The following AJAP1 variants were observed in gnomAD, a reference collection of about 807,000 sequenced individuals.
The protein encoded by AJAP1 is adherens junction-associated protein 1.
AJAP1 carries 5 observed loss-of-function variants against 35.0 expected under a neutral mutation model. That is an observed-to-expected ratio of 0.14 (90% CI 0.07 to 0.30). The LOEUF is 0.30. Ranked by LOEUF, AJAP1 falls within the 10% of genes least tolerant of loss-of-function variation. The pLI, the probability that AJAP1 is intolerant of heterozygous loss-of-function variation, is 1.00. For synonymous variants in AJAP1, 284 were observed against 249.3 expected, an observed-to-expected ratio of 1.14 and a Z score of -1.31; for missense variants, 586 against 571.0, an observed-to-expected ratio of 1.03 and a Z score of -0.27.
intron 2 of AJAP1, among the ~76,000 whole-genome samples, chr1:4,713,932 C>T (rs557437319): frequency 1.3e-5 from 2 of 152,306 alleles, no homozygotes; most frequent in South Asian, 4.1e-4. Context: ...TGCAGGCGGC[C>T]GGCATGGCAT....
chr1:4,715,672 T>G (rs1276114667), intron 2 of AJAP1, among the ~76,000 whole-genome samples: 1 of 151,856 alleles, frequency 6.6e-6, no homozygotes, highest in Admixed American at 6.6e-5. Context: ...GCAATAAGAG[T>G]GAAACTTATT....
At chr1:4,727,906 A>C (rs751506203) in intron 2 of AJAP1, among the ~76,000 whole-genome samples, 1 of 152,198 alleles carries the variant, frequency 6.6e-6, no homozygotes, top group Non-Finnish European at 1.5e-5. Flanking sequence ...TTGAAAGTGG[A>C]AACTTCTCTA....
rs532194899 is a variant in AJAP1 at position 4,723,374 on chromosome 1, C to T, written c.829+10675C>T. On this transcript the variant is annotated intron_variant, in intron 2 of 5. Coordinates refer to ENST00000378191, the MANE Select transcript of AJAP1 (RefSeq NM_018836.4). This position sits in a 1 kb window ranked among gnomAD's most constrained non-coding sequence, Gnocchi z 4.3. ...CCGGAGTAGAAGCTCAGCGGAGCCTCGGGTGTGTGGAAGGTCTGGAAGGCC... is the reference window on the plus strand; with the variant it reads ...CCGGAGTAGAAGCTCAGCGGAGCCTTGGGTGTGTGGAAGGTCTGGAAGGCC... Among the ~76,000 whole-genome samples the T allele has an allele frequency of 6.6e-5, 10 of 152,142 alleles. No individual in the cohort carries two copies. The highest frequency in any genetic ancestry group is 1.0e-4 in the Non-Finnish European group (7 of 68,004).
At chr1:4,769,828 C>A (rs555946725) in intron 2 of AJAP1, 25 bp from the exon 3 acceptor site, 1 of 1,604,860 alleles carries the variant, frequency 6.2e-7, no homozygotes. Flanking sequence ...CACGGGTGCC[C>A]TCTTCCCTCT....
chr1:4,678,566 C>T (rs1054798529), intron 1 of AJAP1, among the ~76,000 whole-genome samples: 1 of 152,200 alleles, frequency 6.6e-6, no homozygotes, highest in Non-Finnish European at 1.5e-5. Context: ...TGCCCTGCAG[C>T]CCTCTCCAAA....
At chr1:4,712,791 C>T in intron 2 of AJAP1, 92 bp downstream of exon 2, 1 of 1,342,874 alleles carries the variant, frequency 7.4e-7, no homozygotes, top group Non-Finnish European at 1.0e-6. Flanking sequence ...CTGGGTGATG[C>T]TATGTGTGGA....
Position 4,734,666 on chromosome 1 carries a change from G to T in AJAP1, c.829+21967G>T, listed in dbSNP as rs1461753699. On this transcript the variant is annotated intron_variant, in intron 2 of 5. Transcript: ENST00000378191. The surrounding 1 kb of genome is among the most constrained non-coding windows in gnomAD (Gnocchi z 4.3). ...CACTGCAGGAGCTCGGACTGCACTGGATGGGGCTGGAGTGGCACCTGTGGG... is the reference window on the plus strand; with the variant it reads ...CACTGCAGGAGCTCGGACTGCACTGTATGGGGCTGGAGTGGCACCTGTGGG... Among the ~76,000 whole-genome samples the T allele has an allele frequency of 6.6e-6, 1 of 152,180 alleles. No homozygotes were observed. The highest frequency in any genetic ancestry group is 2.1e-4 in the South Asian group (1 of 4,818).
At chr1:4,727,167 C>T (rs1640682771) in intron 2 of AJAP1, among the ~76,000 whole-genome samples, 1 of 152,242 alleles carries the variant, frequency 6.6e-6, no homozygotes, top group Admixed American at 6.5e-5. Context: ...TTCCCAGGCT[C>T]AGGTGGGTGA....
At chr1:4,675,074 G>T (rs560922532) in intron 1 of AJAP1, among the ~76,000 whole-genome samples, 2 of 152,124 alleles carry the variant, frequency 1.3e-5, no homozygotes, top group African/African-American at 4.8e-5. Flanking sequence ...GAGAGCGGTG[G>T]GGGGGAAACA....
At position 4,655,157 on chromosome 1, in the gene AJAP1, C is replaced by G. The variant is rs529023924; in HGVS notation, c.-269C>G. The G allele has an allele frequency of 1.3e-5, 2 of 148,804 alleles. No individual in the cohort carries two copies. Among genetic ancestry groups the G allele is most frequent in the Non-Finnish European group, 3.0e-5 (2 of 66,892 alleles). 9.2% of individuals were successfully genotyped at this position (148,804 alleles called of 1,614,324 possible). On this transcript the variant is annotated 5_prime_UTR_variant, in exon 1 of 6. Coordinates refer to ENST00000378191, the MANE Select transcript of AJAP1 (RefSeq NM_018836.4). This position sits in a 1 kb window ranked among gnomAD's most constrained non-coding sequence, Gnocchi z 6.9. ...TCGCTGTGCCGCCGGCGGAGGGGGC[C>G]GCGAGCCCCGCGCCCCGGCCGGAGG...
At chr1:4,730,745 C>T (rs1314624628) in intron 2 of AJAP1, among the ~76,000 whole-genome samples, 12 of 152,160 alleles carry the variant, frequency 7.9e-5, no homozygotes, top group Admixed American at 7.9e-4. Context: ...CTGCCTGGGC[C>T]AGCATTTCTT....
chr1:4,712,355 A>G lies in AJAP1; in HGVS notation c.485A>G (p.Asp162Gly), dbSNP rs1166307761. The change falls in exon 2 of 6, where the codon GAC becomes GGC. Residue 162 changes from aspartate (D) to glycine (G), a missense_variant. Coordinates refer to ENST00000378191, the MANE Select transcript of AJAP1 (RefSeq NM_018836.4). ...AGGGGCAAGAGGCACCTGCAGGGGG[A>G]CGGTCTCAGCAGCTTCGACTCCAGA... ...LRRGKRHLQG[D>G]GLSSFDSRGS... is the part of the protein sequence containing the mutation. The G allele has an allele frequency of 2.7e-6, 4 of 1,505,614 alleles. No homozygotes were observed. The highest frequency in any genetic ancestry group is 2.7e-6 in the Non-Finnish European group (3 of 1,124,438). The allele number at this position is 1,505,614 out of a possible 1,614,324, so 93.3% of individuals were successfully genotyped here.
chr1:4,742,703 C>G (rs1641097550), intron 2 of AJAP1, among the ~76,000 whole-genome samples: 1 of 152,192 alleles, frequency 6.6e-6, no homozygotes, highest in Non-Finnish European at 1.5e-5. Flanking sequence ...TCTCTGCAAT[C>G]TCAGACACCT....
intron 2 of AJAP1, among the ~76,000 whole-genome samples, chr1:4,759,673 G>A (rs3820256): frequency 0.017 from 2,524 of 152,310 alleles, 65 homozygotes; most frequent in South Asian, 0.12. Flanking sequence ...AATGGAAACT[G>A]AAGTCACAGC....
intron 2 of AJAP1, among the ~76,000 whole-genome samples, chr1:4,751,366 T>G (rs1166006100): frequency 6.6e-6 from 1 of 152,176 alleles, no homozygotes; most frequent in Non-Finnish European, 1.5e-5. Context: ...TAGCTGATGC[T>G]TCCTGACTCA....
intron 1 of AJAP1, chr1:4,711,334 C>G (rs908137020): frequency 1.3e-5 from 2 of 152,246 alleles, no homozygotes; most frequent in African/African-American, 4.8e-5. Flanking sequence ...CCTGCGCTCA[C>G]GCTGCGAGGT....
intron 1 of AJAP1, among the ~76,000 whole-genome samples, chr1:4,704,915 G>A (rs1324446601): frequency 6.6e-6 from 1 of 152,234 alleles, no homozygotes; most frequent in African/African-American, 2.4e-5. Flanking sequence ...CAATGATGGT[G>A]AGCATTTGTT....
chr1:4,729,262 G>A (rs1278099320), intron 2 of AJAP1, among the ~76,000 whole-genome samples: 1 of 152,148 alleles, frequency 6.6e-6, no homozygotes, highest in African/African-American at 2.4e-5. Flanking sequence ...GTCGGAGTGA[G>A]GGGAGCACAG....
intron 2 of AJAP1, among the ~76,000 whole-genome samples, chr1:4,731,903 C>G (rs1261546270): frequency 1.3e-5 from 2 of 152,212 alleles, no homozygotes; most frequent in East Asian, 3.9e-4. Flanking sequence ...GGCTGGGCGT[C>G]ACCTGTAGCC....
Sources: gnomAD v4.1 joint callset for allele counts (sites outside exome capture counted in the v4.1 genomes callset) on GRCh38, gnomAD v4.1.1 for gene constraint, Gnocchi (gnomAD v3.1) non-coding constraint, MANE v1.5 for transcripts, NCBI Gene and HGNC (gene_info 2026-07-23, HGNC 2026-07-21) for gene names.